The following POLR1A variants were observed in gnomAD, a reference collection of about 807,000 sequenced individuals.
The protein encoded by POLR1A is RNA polymerase I subunit A.
A neutral mutation model predicts 205.3 loss-of-function variants in POLR1A; 84 were observed. The ratio of observed to expected loss-of-function variants is 0.41; its 90% confidence interval spans 0.34 to 0.49. The LOEUF (loss-of-function observed/expected upper bound fraction) is 0.49, where lower values mean the gene tolerates loss of function less well. Ranked by LOEUF, POLR1A falls within the 20% of genes least tolerant of loss-of-function variation. POLR1A has a pLI of 0.22. For synonymous variants in POLR1A, 799 were observed against 863.7 expected (o/e 0.93, Z 1.31); for missense variants, 1,645 against 2,204.5 (o/e 0.75, Z 5.08).
At chr2:86,078,057 A>C in intron 10 of POLR1A, 57 bp downstream of exon 10, 1 of 1,612,406 alleles carries the variant, frequency 6.2e-7, no homozygotes, top group East Asian at 2.2e-5. Context: ...GTTTCAATAC[A>C]CAATGTTTAT....
intron 7 of POLR1A, among the ~76,000 whole-genome samples, chr2:86,082,674 C>T (rs1673425816): frequency 6.6e-6 from 1 of 152,212 alleles, no homozygotes; most frequent in South Asian, 2.1e-4. Context: ...GTTATACACT[C>T]AAAAGGAAAG....
chr2:86,024,796 G>A lies in POLR1A; in HGVS notation c.*2627C>T, dbSNP rs940787762. 2.0e-5 allele frequency: 3 copies of A among 152,202 alleles called. No homozygotes were observed. Among genetic ancestry groups the A allele is most frequent in the Non-Finnish European group, 2.9e-5 (2 of 68,062 alleles). The allele number at this position is 152,202 out of a possible 1,614,324, so 9.4% of individuals were successfully genotyped here. A position where few individuals can be genotyped will look rare whatever the true frequency, so the allele number is the denominator to read the frequency against. ...ATCACCCCAAAGGGCAAGGTGAGAA[G>A]GATGTCCAAACAGTGGCTAGCTAAT... On this transcript the variant is annotated 3_prime_UTR_variant, in exon 34 of 34. Transcript: ENST00000263857.
At chr2:86,103,301 G>T (rs949657827) in intron 1 of POLR1A, among the ~76,000 whole-genome samples, 1 of 152,156 alleles carries the variant, frequency 6.6e-6, no homozygotes, top group African/African-American at 2.4e-5. Flanking sequence ...GAGTGCAAAG[G>T]TCCTGAGGTG....
At chr2:86,095,890 G>A (rs1673693651) in intron 3 of POLR1A, among the ~76,000 whole-genome samples, 1 of 152,006 alleles carries the variant, frequency 6.6e-6, no homozygotes, top group Non-Finnish European at 1.5e-5. Flanking sequence ...ACCACCCCCA[G>A]CTAATTTTTT....
At chr2:86,050,942 GT>G (rs1212435508) in intron 16 of POLR1A, among the ~76,000 whole-genome samples, 1 of 152,178 alleles carries the variant, frequency 6.6e-6, no homozygotes, top group Non-Finnish European at 1.5e-5. Flanking sequence ...GGGAAGGTGA[GT>G]TTCAGCTGCC....
chr2:86,058,873 T>C (rs1389238814), intron 14 of POLR1A, among the ~76,000 whole-genome samples: 1 of 151,994 alleles, frequency 6.6e-6, no homozygotes, highest in Non-Finnish European at 1.5e-5. Context: ...TCTCAGCACT[T>C]TGGGAGGCTG....
At chr2:86,100,529 TTCTG>T (rs1455993430) in intron 1 of POLR1A, among the ~76,000 whole-genome samples, 122 of 150,820 alleles carry the variant, frequency 8.1e-4, no homozygotes, top group African/African-American at 2.0e-3. Context: ...GGCAGCATTA[TTCTG>T]TCTTTTTTTT....
chr2:86,082,080 C>A (rs1307825999), intron 7 of POLR1A, among the ~76,000 whole-genome samples: 1 of 152,134 alleles, frequency 6.6e-6, no homozygotes, highest in Non-Finnish European at 1.5e-5. Flanking sequence ...AATTGATCCA[C>A]CTGCCTCAGC....
Position 86,027,886 on chromosome 2 carries a change from C to T in POLR1A, c.5061G>A (p.Leu1687=). ...CAGGGCTCCTGCCCACGCACTAACC[C>T]AGCATGGTGGCTTGCTTCAGAAACT... ...SFQFLKQATM[L]GSHDELRSPS... The change falls in exon 33 of 34, where the codon CTG becomes CTA. Residue 1687 remains leucine (L), a splice_region_variant and synonymous_variant. Transcript: ENST00000263857. 1 of 1,614,234 alleles carries T rather than the reference C, an allele frequency of 6.2e-7. No individual in the cohort carries two copies. The highest frequency in any genetic ancestry group is 8.5e-7 in the Non-Finnish European group (1 of 1,180,040).
chr2:86,101,373 G>C (rs1673819135), intron 1 of POLR1A, among the ~76,000 whole-genome samples: 1 of 152,162 alleles, frequency 6.6e-6, no homozygotes, highest in African/African-American at 2.4e-5. Flanking sequence ...TAGTCTATCA[G>C]GAACTAAGCT....
rs141675029 is a variant in POLR1A, at chr2:86,076,012, C to T, written c.1381-752G>A. 5.5e-4 allele frequency among the ~76,000 whole-genome samples: 83 copies of T among 152,268 alleles called. No homozygotes were observed. The East Asian group carries it at 0.015, about 27-fold the overall frequency. ...GACATGGCATCGGAATATCTCAACT[C>T]CACAGTTCTGGCAGCCATTACAATC... On this transcript the variant is annotated intron_variant, in intron 11 of 33. Transcript: ENST00000263857.
intron 25 of POLR1A, chr2:86,040,008 A>G (rs1573805354): frequency 5.0e-6 from 1 of 198,514 alleles, no homozygotes; most frequent in East Asian, 1.3e-4. Context: ...CTGAAGGGCC[A>G]GGGCCCAGGG....
chr2:86,086,302 T>C (rs1228604246), intron 6 of POLR1A, among the ~76,000 whole-genome samples: 1 of 152,122 alleles, frequency 6.6e-6, no homozygotes, highest in African/African-American at 2.4e-5. Flanking sequence ...TCAGATGATC[T>C]GCCTGCCTCC....
At chr2:86,039,055 C>T in intron 26 of POLR1A, 198 bp from the exon 27 acceptor site, 3 of 645,296 alleles carry the variant, frequency 4.6e-6, no homozygotes, top group South Asian at 3.9e-5. Flanking sequence ...AGAGAGTGGC[C>T]TGAACCTCCT....
chr2:86,052,175 G>A (rs957164130), intron 16 of POLR1A, among the ~76,000 whole-genome samples: 7 of 152,092 alleles, frequency 4.6e-5, no homozygotes, highest in Non-Finnish European at 7.4e-5. Flanking sequence ...GAACTCCTGG[G>A]CTCAAGTGAT....
At chr2:86,081,096 C>T in intron 8 of POLR1A, 118 bp from the exon 9 acceptor site, 1 of 905,706 alleles carries the variant, frequency 1.1e-6, no homozygotes, top group Non-Finnish European at 1.7e-6. Context: ...AACAACCAAC[C>T]TTCCTAACCA....
At chr2:86,092,037 G>A (rs758329401) in intron 3 of POLR1A, among the ~76,000 whole-genome samples, 30 of 152,096 alleles carry the variant, frequency 2.0e-4, no homozygotes, top group Non-Finnish European at 4.1e-4. Context: ...AATCGCTTTA[G>A]CCTGGGAGGC....
rs34298205 is a variant in POLR1A, at chr2:86,063,335, CAAA to C, written c.2058+1936_2058+1938del. 6.8e-3 allele frequency among the ~76,000 whole-genome samples: 278 copies of C among 41,184 alleles called. 1 individual carries two copies. Among genetic ancestry groups the C allele is most frequent in the Non-Finnish European group, 8.9e-3 (205 of 23,158 alleles). The allele number at this position is 41,184 out of a possible 152,430, so 27.0% of individuals were successfully genotyped here. ...GGGCAGCAAGAGCAAAACTCCATCT[CAAA>C]AAAAAAAAAAAAAAAAAAAAAAAAG... On this transcript the variant is annotated intron_variant, in intron 14 of 33. Transcript: ENST00000263857.
chr2:86,101,495 A>G (rs1337067373), intron 1 of POLR1A, among the ~76,000 whole-genome samples: 2 of 152,240 alleles, frequency 1.3e-5, no homozygotes, highest in Admixed American at 1.3e-4. Flanking sequence ...CCTTGCTGCC[A>G]GTAAGCTAAT....
Sources: allele counts gnomAD v4.1 joint callset (sites outside exome capture counted in the v4.1 genomes callset), GRCh38; gene constraint gnomAD v4.1.1; transcripts MANE v1.5; gene names NCBI Gene and HGNC (gene_info 2026-07-23, HGNC 2026-07-21).